ARHGEF37: variants seen among roughly 807,000 people sequenced by gnomAD.
ARHGEF37 encodes Rho guanine nucleotide exchange factor 37, also known as Rho guanine nucleotide exchange factor (GEF) 37.
A neutral mutation model predicts 71.1 loss-of-function variants in ARHGEF37; 55 were observed. The observed-to-expected ratio is 0.77, with a 90% CI of 0.62 to 0.97. The LOEUF is 0.97. Among genes scored for constraint, ARHGEF37 ranks in the 50% least tolerant of loss-of-function variants. The probability of loss-of-function intolerance (pLI) is 0.00; values close to 1 mark genes in which losing one functional copy is unlikely to be tolerated. For synonymous variants in ARHGEF37, 327 were observed against 350.6 expected, an observed-to-expected ratio of 0.93 and a Z score of 0.75; for missense variants, 765 against 836.8, an observed-to-expected ratio of 0.91 and a Z score of 1.06.
At chr5:149,629,085 G>A in intron 12 of ARHGEF37, 119 bp downstream of exon 12, 2 of 1,307,616 alleles carry the variant, frequency 1.5e-6, no homozygotes, top group Non-Finnish European at 2.0e-6. Flanking sequence ...CACTCTGTGA[G>A]ACCAAGGCCT....
chr5:149,573,908 C>T (rs1264833444), intron 1 of ARHGEF37, among the ~76,000 whole-genome samples: 4 of 152,134 alleles, frequency 2.6e-5, no homozygotes, highest in Non-Finnish European at 4.4e-5. Flanking sequence ...GTGTGAGATA[C>T]TGGGATTTAT....
chr5:149,573,466 C>G (rs1053714526), intron 1 of ARHGEF37, among the ~76,000 whole-genome samples: 2 of 152,288 alleles, frequency 1.3e-5, no homozygotes, highest in African/African-American at 4.8e-5. Flanking sequence ...ATGTTCTCTC[C>G]ATAGGAGCAC....
At position 149,632,488 on chromosome 5, in the gene ARHGEF37, C is replaced by G. The variant is rs2279134; in HGVS notation, c.*297C>G. The G allele has an allele frequency of 0.44, 175,221 of 399,448 alleles. 41,274 individuals carry two copies. Among genetic ancestry groups the G allele is most frequent in the Non-Finnish European group, 0.5 (107,246 of 212,808 alleles). The allele number at this position is 399,448 out of a possible 1,614,324, so 24.7% of individuals were successfully genotyped here. On this transcript the variant is annotated 3_prime_UTR_variant, in exon 13 of 13. Coordinates refer to ENST00000333677, the MANE Select transcript of ARHGEF37 (RefSeq NM_001001669.3). ...TCACAGCTGATTGGCCAGGACTCTC[C>G]ATAGGTTATGGCCAGTCTTAGCTGT...
rs367882590 is a variant in ARHGEF37 at position 149,621,808 on chromosome 5, A to G, written c.1081A>G (p.Ile361Val). Residue 361 changes from isoleucine (I) to valine (V), a missense_variant, in exon 9 of 13, where the codon ATC becomes GTC. Ile to Val is a conservative substitution (Grantham distance 29). Around this residue, in one of 5 missense-constraint regions of ARHGEF37, gnomAD observed 390 missense variants for 407.4 expected, o/e 0.96. Transcript: ENST00000333677. ...AKALLGPQNL[I>V]KKRLDKLLDF... ...AGCCCTGCTTGGCCCTCAGAACCTG[A>G]TCAAGAAGCGTCTGGACAAGCTACT... 2 of 1,614,102 alleles carry G rather than the reference A, an allele frequency of 1.2e-6. No homozygotes were observed. Among genetic ancestry groups the G allele is most frequent in the Non-Finnish European group, 1.7e-6 (2 of 1,180,046 alleles).
chr5:149,601,118 G>C lies in ARHGEF37; in HGVS notation c.197G>C (p.Gly66Ala). ...IRSRLQQLPQ[G>A]DLDVLFSNID... is the part of the protein sequence containing the mutation. ...CTTTGTTCCTTCCAGTTGCCGCAGG[G>C]AGATCTGGATGTCCTGTTCTCAAAC... Residue 66 changes from glycine to alanine, a missense_variant, in exon 3 of 13, where the codon GGA becomes GCA. Gly to Ala is a moderately conservative substitution (Grantham distance 60). This residue lies in a region of ARHGEF37 where 201 missense variants were observed against 217.5 expected (regional missense o/e 0.92). Coordinates refer to ENST00000333677, the MANE Select transcript of ARHGEF37 (RefSeq NM_001001669.3). The C allele has an allele frequency of 6.2e-7, 1 of 1,610,820 alleles. No individual in the cohort carries two copies. Among genetic ancestry groups the C allele is most frequent in the Non-Finnish European group, 8.5e-7 (1 of 1,177,516 alleles).
chr5:149,612,064 T>A (rs1379584635), intron 4 of ARHGEF37, among the ~76,000 whole-genome samples: 3 of 152,208 alleles, frequency 2.0e-5, no homozygotes, highest in Admixed American at 2.0e-4. Flanking sequence ...AGTTTGGATT[T>A]AAAGAAAGAG....
intron 1 of ARHGEF37, among the ~76,000 whole-genome samples, 185 bp downstream of exon 1, chr5:149,581,809 C>T (rs1485702306): frequency 6.6e-6 from 1 of 152,152 alleles, no homozygotes; most frequent in Admixed American, 6.5e-5. Flanking sequence ...TGTAAGCCAC[C>T]TGGTCCATAT....
At chr5:149,630,592 A>G (rs1752851534) in intron 12 of ARHGEF37, among the ~76,000 whole-genome samples, 1 of 152,178 alleles carries the variant, frequency 6.6e-6, no homozygotes. Flanking sequence ...ACCAGGGGCT[A>G]CAAAGCACCC....
At chr5:149,551,685 C>G (rs911103761), upstream of ARHGEF37, 1 of 152,426 alleles carries the variant, frequency 6.6e-6, no homozygotes, top group African/African-American at 2.4e-5. Flanking sequence ...CCCGCCGGGT[C>G]TCTGGAAGGC....
At chr5:149,591,884 A>T (rs993198668) in intron 1 of ARHGEF37, among the ~76,000 whole-genome samples, 1 of 152,220 alleles carries the variant, frequency 6.6e-6, no homozygotes, top group African/African-American at 2.4e-5. Flanking sequence ...TATGATGTTC[A>T]CTAGGTGTCA....
At chr5:149,582,411 C>T (rs1436589540) in intron 1 of ARHGEF37, among the ~76,000 whole-genome samples, 1 of 152,174 alleles carries the variant, frequency 6.6e-6, no homozygotes, top group Non-Finnish European at 1.5e-5. Context: ...ACCTGCTGTG[C>T]GTCCAGACAG....
chr5:149,624,819 G>T (rs182480867), intron 10 of ARHGEF37, among the ~76,000 whole-genome samples: 2 of 151,734 alleles, frequency 1.3e-5, no homozygotes, highest in Non-Finnish European at 2.9e-5. Context: ...ATTTCCTATC[G>T]CTGTGGTATT....
At chr5:149,628,766 G>A (rs1238485736) in intron 11 of ARHGEF37, 43 bp from the exon 12 acceptor site, 1 of 1,577,842 alleles carries the variant, frequency 6.3e-7, no homozygotes, top group Non-Finnish European at 8.6e-7. Context: ...AAAAGGGACG[G>A]GAAGGTGGCC....
In ARHGEF37 at chr5:149,620,382, A is replaced by G. The variant is rs774365076; in HGVS notation, c.923A>G (p.Tyr308Cys). 8.1e-6 allele frequency: 13 copies of G among 1,612,136 alleles called. No homozygotes were observed. Among genetic ancestry groups the G allele is most frequent in the East Asian group, 2.2e-5 (1 of 44,638 alleles). The change falls in exon 8 of 13, where the codon TAC becomes TGC. Residue 308 changes from tyrosine (Y) to cysteine (C), a missense_variant. Tyr to Cys is a radical substitution (Grantham distance 194, BLOSUM62 -2). This residue lies in a region of ARHGEF37 where 167 missense variants were observed against 173.3 expected (regional missense o/e 0.96). Transcript: ENST00000333677. ...QAFLYFRPHE[Y>C]NLDIPEGPAV... ...TTCCTCTACTTCAGGCCGCACGAATACAATCTGGACATCCCCGAGGGGCCT... is the reference window on the plus strand; with the variant it reads ...TTCCTCTACTTCAGGCCGCACGAATGCAATCTGGACATCCCCGAGGGGCCT...
intron 1 of ARHGEF37, among the ~76,000 whole-genome samples, chr5:149,586,079 C>T (rs1199684517): frequency 6.6e-6 from 1 of 152,166 alleles, no homozygotes; most frequent in Non-Finnish European, 1.5e-5. Flanking sequence ...GAATAATAGA[C>T]ACATGATCCC....
intron 1 of ARHGEF37, among the ~76,000 whole-genome samples, chr5:149,590,891 T>A (rs1321320105): frequency 6.6e-6 from 1 of 152,092 alleles, no homozygotes; most frequent in Non-Finnish European, 1.5e-5. Flanking sequence ...GTTCTGTAAT[T>A]TAATTGAGGT....
At chr5:149,588,170 T>C (rs1462110374) in intron 1 of ARHGEF37, among the ~76,000 whole-genome samples, 1 of 151,954 alleles carries the variant, frequency 6.6e-6, no homozygotes, top group Non-Finnish European at 1.5e-5. Context: ...GTGCTGGGAT[T>C]ACAGGCGTGA....
intron 1 of ARHGEF37, among the ~76,000 whole-genome samples, chr5:149,572,572 TA>T (rs1762980593): frequency 6.6e-6 from 1 of 152,232 alleles, no homozygotes; most frequent in Non-Finnish European, 1.5e-5. Context: ...AGGGTTAACG[TA>T]TCAACTTGGC....
chr5:149,626,055 C>T (rs1427455378), intron 10 of ARHGEF37, among the ~76,000 whole-genome samples: 1 of 152,222 alleles, frequency 6.6e-6, no homozygotes, highest in Non-Finnish European at 1.5e-5. Flanking sequence ...ACTACCTCGT[C>T]TCTACATTCC....
Sources: gnomAD v4.1 joint callset for allele counts (sites outside exome capture counted in the v4.1 genomes callset) on GRCh38, gnomAD v4.1.1 for gene constraint, gnomAD v4.1.1 regional missense constraint, MANE v1.5 for transcripts, NCBI Gene and HGNC (gene_info 2026-07-23, HGNC 2026-07-21) for gene names.